MEGF10: variants seen among roughly 807,000 people sequenced by gnomAD.
MEGF10 encodes multiple epidermal growth factor-like domains protein 10.
A neutral mutation model predicts 147.5 loss-of-function variants in MEGF10; 86 were observed. The ratio of observed to expected loss-of-function variants is 0.58; its 90% CI spans 0.49 to 0.70. MEGF10 has a LOEUF of 0.70. Among genes scored for constraint, MEGF10 ranks in the 30% least tolerant of loss-of-function variants. The pLI, the probability that MEGF10 is intolerant of heterozygous loss-of-function variation, is 0.00. For missense variants in MEGF10, 1,329 were observed against 1,487.3 expected (o/e 0.89, Z 1.75); for synonymous variants, 478 against 525.5 (o/e 0.91, Z 1.24).
chr5:127,335,062 G>A (rs1761410241), intron 2 of MEGF10, among the ~76,000 whole-genome samples: 1 of 152,028 alleles, frequency 6.6e-6, no homozygotes. Flanking sequence ...TAAAATCACG[G>A]CAATGATATA....
the MEGF10 span, among the ~76,000 whole-genome samples, chr5:127,244,192 G>A: frequency 3.3e-5 from 2 of 61,134 alleles, no homozygotes; most frequent in Admixed American, 2.3e-4. Flanking sequence ...GAGAAACTCT[G>A]TCCAAAAAAA....
intron 5 of MEGF10, among the ~76,000 whole-genome samples, chr5:127,375,233 T>C (rs201571909): frequency 2.0e-5 from 3 of 148,256 alleles, no homozygotes; most frequent in African/African-American, 5.0e-5. Flanking sequence ...CTTTTTTTTT[T>C]CCTTTCTAAA....
intron 1 of MEGF10, among the ~76,000 whole-genome samples, chr5:127,309,947 C>CTCTTTCGTTCTT (rs1554088995): frequency 1.1e-5 from 1 of 90,396 alleles, no homozygotes; most frequent in Non-Finnish European, 2.3e-5. Context: ...TCCTTGCCAA[C>CTCTTTCGTTCTT]TCTTTCTTTC....
At chr5:127,335,360 CTG>C (rs1459337725) in intron 2 of MEGF10, among the ~76,000 whole-genome samples, 1 of 152,170 alleles carries the variant, frequency 6.6e-6, no homozygotes, top group African/African-American at 2.4e-5. Flanking sequence ...CCCTCACACT[CTG>C]TGACTTCAGG....
Position 127,455,440 on chromosome 5 carries a change from C to G in MEGF10, c.3065C>G (p.Ser1022Cys). The G allele has an allele frequency of 6.2e-7, 1 of 1,614,064 alleles. No homozygotes were observed. Among genetic ancestry groups the G allele is most frequent in the Non-Finnish European group, 8.5e-7 (1 of 1,179,978 alleles). ...KNSEYNSSNC[S>C]LSSSENPYAT... ...TCTGAATATAATTCAAGTAACTGCT[C>G]CCTAAGCAGTTCTGAGAACCCATAT... is the stretch of plus-strand genomic sequence containing the variant. The change falls in exon 24 of 25, where the codon TCC (serine) becomes TGC (cysteine). Residue 1022 changes from serine to cysteine, a missense_variant. Physicochemically the swap from Ser to Cys is moderately radical, Grantham distance 112. Around this residue, in one of 3 missense-constraint regions of MEGF10, gnomAD observed 343 missense variants for 377.9 expected, o/e 0.91. Transcript: ENST00000503335.
the MEGF10 span, among the ~76,000 whole-genome samples, chr5:127,235,650 C>T: frequency 6.6e-6 from 1 of 152,174 alleles, no homozygotes; most frequent in Non-Finnish European, 1.5e-5. Flanking sequence ...AATTGTGGAT[C>T]ACCTCAATGG....
At chr5:127,250,053 A>T in the MEGF10 span, among the ~76,000 whole-genome samples, 1 of 152,126 alleles carries the variant, frequency 6.6e-6, no homozygotes, top group Non-Finnish European at 1.5e-5. Flanking sequence ...TACTATTAAA[A>T]TGGTAATTAA....
At chr5:127,279,940 TTTTCTA>T in the MEGF10 span, among the ~76,000 whole-genome samples, 6 of 151,624 alleles carry the variant, frequency 4.0e-5, no homozygotes, top group Admixed American at 1.3e-4. Flanking sequence ...TCTATTTGTC[TTTTCTA>T]TTTCTATTTC....
intron 16 of MEGF10, 96 bp from the exon 17 acceptor site, chr5:127,438,343 C>T: frequency 1.4e-6 from 2 of 1,402,356 alleles, no homozygotes; most frequent in Middle Eastern, 1.9e-4. Flanking sequence ...CTGCTAACCT[C>T]TCACATGCAG....
At chr5:127,338,458 A>T (rs1761551527) in intron 2 of MEGF10, among the ~76,000 whole-genome samples, 1 of 152,116 alleles carries the variant, frequency 6.6e-6, no homozygotes, top group Non-Finnish European at 1.5e-5. Context: ...AGAACCTGTT[A>T]GTGAAAATGT....
intron 1 of MEGF10, among the ~76,000 whole-genome samples, chr5:127,305,418 T>C (rs1274587938): frequency 6.6e-6 from 1 of 152,134 alleles, no homozygotes; most frequent in Non-Finnish European, 1.5e-5. Context: ...GAGGAAACAC[T>C]TCACCTAGCC....
chr5:127,233,596 G>A, the MEGF10 span, among the ~76,000 whole-genome samples: 1 of 152,240 alleles, frequency 6.6e-6, no homozygotes, highest in African/African-American at 2.4e-5. Context: ...TGGGTGGACA[G>A]TGAGAAGGCA....
At chr5:127,316,072 G>A (rs1294379699) in intron 1 of MEGF10, among the ~76,000 whole-genome samples, 1 of 152,202 alleles carries the variant, frequency 6.6e-6, no homozygotes, top group African/African-American at 2.4e-5. Flanking sequence ...TTTATCAATG[G>A]AGATGCAACA....
chr5:127,292,351 G>C (rs1201315686), intron 1 of MEGF10, among the ~76,000 whole-genome samples: 1 of 152,174 alleles, frequency 6.6e-6, no homozygotes. Flanking sequence ...TTGTTAAAGG[G>C]ATTAAGTAAG....
At chr5:127,454,440 G>C in intron 22 of MEGF10, 126 bp from the exon 23 acceptor site, 1 of 720,558 alleles carries the variant, frequency 1.4e-6, no homozygotes, top group Non-Finnish European at 2.3e-6. Context: ...TGGTGTAAAG[G>C]CTTGAAGAGC....
chr5:127,431,169 G>A (rs139931432), intron 13 of MEGF10, among the ~76,000 whole-genome samples: 62 of 152,284 alleles, frequency 4.1e-4, no homozygotes, highest in African/African-American at 1.4e-3. Context: ...GATTATGACT[G>A]ATGGCTAGGC....
chr5:127,412,340 A>G (rs1764604067), intron 9 of MEGF10, among the ~76,000 whole-genome samples: 2 of 152,230 alleles, frequency 1.3e-5, no homozygotes, highest in South Asian at 4.1e-4. Flanking sequence ...TGTTGAATTA[A>G]TCATTGGAGC....
At chr5:127,438,150 TG>T (rs1392616276) in intron 16 of MEGF10, among the ~76,000 whole-genome samples, 1 of 152,210 alleles carries the variant, frequency 6.6e-6, no homozygotes, top group African/African-American at 2.4e-5. Flanking sequence ...TAATAGGTGT[TG>T]AATATGTGTT....
chr5:127,238,798 T>A, the MEGF10 span, among the ~76,000 whole-genome samples: 1,211 of 150,358 alleles, frequency 8.1e-3, 17 homozygotes, highest in African/African-American at 0.029. Flanking sequence ...GTATAAATGA[T>A]CTGTGTAAAT....
Sources: gnomAD v4.1 joint callset for allele counts (sites outside exome capture counted in the v4.1 genomes callset) on GRCh38, gnomAD v4.1.1 for gene constraint, gnomAD v4.1.1 regional missense constraint, MANE v1.5 for transcripts, NCBI Gene and HGNC (gene_info 2026-07-23, HGNC 2026-07-21) for gene names.